XPO4: variants seen among roughly 807,000 people sequenced by gnomAD.
The protein encoded by XPO4 is exportin 4.
Under a neutral mutation model 143.0 loss-of-function variants are expected in XPO4, and 39 were observed. The observed-to-expected ratio is 0.27, with a 90% CI of 0.21 to 0.36. The LOEUF is 0.36. Ranked by LOEUF, XPO4 falls within the 10% of genes least tolerant of loss-of-function variation. The pLI is 1.00. For missense variants in XPO4, 907 were observed against 1,348.0 expected (o/e 0.67, Z 5.12); for synonymous variants, 439 against 474.0 (o/e 0.93, Z 0.96).
intron 13 of XPO4, among the ~76,000 whole-genome samples, chr13:20,802,102 C>T (rs996344176): frequency 6.6e-6 from 1 of 152,120 alleles, no homozygotes; most frequent in Non-Finnish European, 1.5e-5. Flanking sequence ...GTCACCCAGG[C>T]TGCAGTATGC....
Position 20,810,105 on chromosome 13 carries a change from T to C in XPO4, c.1174-138A>G, listed in dbSNP as rs369064099. 582 of 654,352 alleles carry C rather than the reference T, an allele frequency of 8.9e-4. 5 individuals are homozygous for C. The African/African-American group carries it at 0.012, about 14-fold the overall frequency. The allele number at this position is 654,352 out of a possible 1,614,324, so 40.5% of individuals were successfully genotyped here. The stretch of plus-strand genomic sequence containing the variant: ...AATTATTGATAAGTTTTTATTGAAC[T>C]TTCTAAAATCTTTCTAAGTTCAAGT... On this transcript the variant is annotated intron_variant, in intron 9 of 22. Coordinates refer to ENST00000255305, the MANE Select transcript of XPO4 (RefSeq NM_022459.5).
intron 6 of XPO4, among the ~76,000 whole-genome samples, chr13:20,832,000 T>A (rs991279066): frequency 6.6e-6 from 1 of 152,006 alleles, no homozygotes; most frequent in African/African-American, 2.4e-5. Flanking sequence ...GAGTGAAGAA[T>A]CAACTCTCCA....
rs763863081 is a variant in XPO4 at position 20,821,783 on chromosome 13, C to G, written c.1094G>C (p.Ser365Thr). The change falls in exon 9 of 23, where the codon AGT (serine) becomes ACT (threonine). Residue 365 changes from serine to threonine, a missense_variant. Ser to Thr is a moderately conservative substitution (Grantham distance 58). Transcript: ENST00000255305. ...GTTAACAAAGGAGGAGAAAAGTTCA[C>G]TTGGAATGGCAGTTAAAACATTTCG... ...FPRNVLTAIPSELFSSFVNCL... is the reference protein window; with the variant it reads ...FPRNVLTAIPTELFSSFVNCL... 1.9e-6 allele frequency: 3 copies of G among 1,614,074 alleles called. No homozygotes were observed. Among genetic ancestry groups the G allele is most frequent in the Non-Finnish European group, 1.7e-6 (2 of 1,179,980 alleles).
At chr13:20,864,228 T>TA (rs148868016) in intron 2 of XPO4, among the ~76,000 whole-genome samples, 8,566 of 149,964 alleles carry the variant, frequency 0.057, 720 homozygotes, top group African/African-American at 0.18. Context: ...CTCTAGGAGT[T>TA]AAAAAAAAAG....
At position 20,815,027 on chromosome 13, in the gene XPO4, C is replaced by T. The variant is rs142260577; in HGVS notation, c.1174-5060G>A. ...AAAGAAAACTTTCAATATATGAAAT[C>T]TGTCCCCTTTTTGACATCAAATTGA... On this transcript the variant is annotated intron_variant, in intron 9 of 22. Coordinates refer to ENST00000255305, the MANE Select transcript of XPO4 (RefSeq NM_022459.5). 1.8e-3 allele frequency among the ~76,000 whole-genome samples: 275 copies of T among 152,266 alleles called. 1 individual carries two copies. Among genetic ancestry groups the T allele is most frequent in the Admixed American group, 3.3e-3 (51 of 15,300 alleles).
intron 13 of XPO4, among the ~76,000 whole-genome samples, chr13:20,806,008 T>C (rs1206969301): frequency 6.6e-6 from 1 of 151,928 alleles, no homozygotes; most frequent in Non-Finnish European, 1.5e-5. Context: ...CTGACAAAAA[T>C]GGAAAAAGCA....
At chr13:20,785,793 A>G in intron 22 of XPO4, among the ~76,000 whole-genome samples, 1 of 147,918 alleles carries the variant, frequency 6.8e-6, no homozygotes, top group Non-Finnish European at 1.5e-5. Flanking sequence ...AGAGAGAGAA[A>G]TAAAGGAAGA....
chr13:20,891,278 G>A (rs1205216068), intron 1 of XPO4, among the ~76,000 whole-genome samples: 2 of 152,086 alleles, frequency 1.3e-5, no homozygotes, highest in South Asian at 4.2e-4. Context: ...ATTGGAGAGA[G>A]CAGATAAAGA....
At chr13:20,846,772 T>C (rs550476133) in intron 4 of XPO4, among the ~76,000 whole-genome samples, 2 of 152,318 alleles carry the variant, frequency 1.3e-5, no homozygotes, top group South Asian at 4.1e-4. Context: ...GATGCACAGA[T>C]ATAAATTTTT....
chr13:20,819,541 T>C, intron 9 of XPO4, among the ~76,000 whole-genome samples: 1 of 151,938 alleles, frequency 6.6e-6, no homozygotes, highest in East Asian at 1.9e-4. Flanking sequence ...ATGCCTGTAA[T>C]CCCAGCTACT....
intron 13 of XPO4, among the ~76,000 whole-genome samples, chr13:20,802,403 GT>G (rs1464073974): frequency 1.2e-4 from 19 of 152,046 alleles, no homozygotes; most frequent in Admixed American, 7.2e-4. Flanking sequence ...GCTCGTTTGA[GT>G]TTTTTAAAAA....
chr13:20,846,575 C>A (rs920719411), intron 4 of XPO4, among the ~76,000 whole-genome samples: 1 of 152,172 alleles, frequency 6.6e-6, no homozygotes, highest in Admixed American at 6.5e-5. Flanking sequence ...GAACAAAATG[C>A]ACTTATAGAC....
At chr13:20,790,726 G>A in intron 18 of XPO4, 146 bp from the exon 19 acceptor site, 2 of 662,470 alleles carry the variant, frequency 3.0e-6, no homozygotes, top group Non-Finnish European at 5.2e-6. Flanking sequence ...CGTCCTGCCT[G>A]GTCTCTGGTG....
chr13:20,850,683 T>C, intron 4 of XPO4: 4 of 574,452 alleles, frequency 7.0e-6, no homozygotes, highest in Non-Finnish European at 8.8e-6. Context: ...GAGGATCACT[T>C]GAGCCCAGGT....
At chr13:20,869,580 T>A (rs1424135518) in intron 1 of XPO4, 25 of 821,400 alleles carry the variant, frequency 3.0e-5, no homozygotes, top group Non-Finnish European at 3.5e-5. Flanking sequence ...AATGTTACAA[T>A]CAATTATATT....
chr13:20,857,453 C>T (rs191427993), intron 3 of XPO4, among the ~76,000 whole-genome samples: 35 of 152,180 alleles, frequency 2.3e-4, no homozygotes, highest in African/African-American at 8.2e-4. Context: ...GAAGGCCGGG[C>T]GCAGTGGCTC....
At chr13:20,866,928 T>G (rs1374769813) in intron 2 of XPO4, among the ~76,000 whole-genome samples, 1 of 152,212 alleles carries the variant, frequency 6.6e-6, no homozygotes, top group Non-Finnish European at 1.5e-5. Context: ...GAAAGTCAGA[T>G]GAAACACTGA....
intron 13 of XPO4, among the ~76,000 whole-genome samples, chr13:20,802,805 A>G (rs1261477027): frequency 6.6e-6 from 1 of 152,228 alleles, no homozygotes; most frequent in Non-Finnish European, 1.5e-5. Context: ...AACATTTTCA[A>G]TGACCATAAG....
At chr13:20,848,141 G>T in intron 4 of XPO4, 1 of 645,164 alleles carries the variant, frequency 1.5e-6, no homozygotes. Context: ...ACTGCTGCTG[G>T]CAATTTGACT....
Sources: gnomAD v4.1 joint callset for allele counts (sites outside exome capture counted in the v4.1 genomes callset) on GRCh38, gnomAD v4.1.1 for gene constraint, MANE v1.5 for transcripts, NCBI Gene and HGNC (gene_info 2026-07-23, HGNC 2026-07-21) for gene names.